MARCHF5: variants seen among roughly 807,000 people sequenced by gnomAD.
MARCHF5 encodes E3 ubiquitin-protein ligase MARCHF5.
MARCHF5 carries 5 observed loss-of-function variants against 36.5 expected under a neutral mutation model. The ratio of observed to expected loss-of-function variants is 0.14; its 90% CI spans 0.07 to 0.29. The LOEUF is 0.29. Ranked by LOEUF, MARCHF5 falls within the 10% of genes least tolerant of loss-of-function variation. The probability of loss-of-function intolerance (pLI) is 1.00; values close to 1 mark genes in which losing one functional copy is unlikely to be tolerated. For missense variants in MARCHF5, 179 were observed against 336.3 expected, an observed-to-expected ratio of 0.53 and a Z score of 3.66; for synonymous variants, 103 against 109.9, an observed-to-expected ratio of 0.94 and a Z score of 0.39.
intron 1 of MARCHF5, among the ~76,000 whole-genome samples, chr10:92,293,251 C>CAT (rs1842911602): frequency 6.6e-6 from 1 of 152,108 alleles, no homozygotes; most frequent in African/African-American, 2.4e-5. Flanking sequence ...GACCACAACA[C>CAT]ATACCACCAT....
intron 2 of MARCHF5, among the ~76,000 whole-genome samples, chr10:92,338,103 C>T (rs574065861): frequency 2.7e-4 from 41 of 151,860 alleles, no homozygotes; most frequent in South Asian, 6.3e-4. Context: ...GTGGGAGGCT[C>T]GCTTGAGCTG....
chr10:92,313,131 G>C (rs1053752540), intron 2 of MARCHF5, among the ~76,000 whole-genome samples: 1 of 152,192 alleles, frequency 6.6e-6, no homozygotes, highest in Non-Finnish European at 1.5e-5. Flanking sequence ...CTACTCAGGA[G>C]GCTGAGGCAG....
intron 3 of MARCHF5, 132 bp downstream of exon 3, chr10:92,340,935 C>T: frequency 1.2e-6 from 1 of 821,224 alleles, no homozygotes; most frequent in African/African-American, 1.8e-5. Flanking sequence ...ATGTTATTTC[C>T]CCTACTTTTT....
At chr10:92,337,978 A>G (rs1314963340) in intron 2 of MARCHF5, among the ~76,000 whole-genome samples, 1 of 151,574 alleles carries the variant, frequency 6.6e-6, no homozygotes, top group East Asian at 1.9e-4. Context: ...GTTCCAGACC[A>G]GCCTGGGCAA....
intron 2 of MARCHF5, among the ~76,000 whole-genome samples, chr10:92,327,886 T>C (rs2135201846): frequency 6.6e-6 from 1 of 152,282 alleles, no homozygotes; most frequent in Middle Eastern, 3.4e-3. Context: ...AAAGTAAGTT[T>C]ACAGTGGAGA....
At chr10:92,318,553 T>C (rs554757878) in intron 2 of MARCHF5, among the ~76,000 whole-genome samples, 64 of 150,436 alleles carry the variant, frequency 4.3e-4, no homozygotes, top group African/African-American at 1.4e-3. Flanking sequence ...AAACCCAGTC[T>C]CCACAAAAAA....
chr10:92,333,507 C>G (rs924201931), intron 2 of MARCHF5: 1 of 249,896 alleles, frequency 4.0e-6, no homozygotes, highest in Non-Finnish European at 6.3e-6. Context: ...ATGGCCCTTG[C>G]CCCCTGGGAG....
rs74691627 is a variant in MARCHF5 at position 92,338,628 on chromosome 10, A to G, written c.239-2045A>G. 5.1e-3 allele frequency among the ~76,000 whole-genome samples: 775 copies of G among 152,306 alleles called. 7 individuals are homozygous for G. The highest frequency in any genetic ancestry group is 9.1e-3 in the East Asian group (47 of 5,184). On this transcript the variant is annotated intron_variant, in intron 2 of 5. Transcript: ENST00000358935. ...ATGACAGTCCTTTGACATCTCTTCTAATGTTCTCTCTACTTTACAATGTAT... is the reference window on the plus strand; with the variant it reads ...ATGACAGTCCTTTGACATCTCTTCTGATGTTCTCTCTACTTTACAATGTAT...
chr10:92,291,307 T>C lies in MARCHF5; in HGVS notation c.-188T>C, dbSNP rs947767634. 6.9e-6 allele frequency: 4 copies of C among 576,026 alleles called. No homozygotes were observed. Among genetic ancestry groups the C allele is most frequent in the African/African-American group, 4.0e-5 (2 of 50,090 alleles). The allele number at this position is 576,026 out of a possible 1,614,324, so 35.7% of individuals were successfully genotyped here. On this transcript the variant is annotated 5_prime_UTR_variant, in exon 1 of 6. Transcript: ENST00000358935. ...CTCCTCCTCCTCGCTCTCCGCCGCC[T>C]CCGCCGGACTCCCGCAGGCCCTGCA...
rs569788902 is a variant in MARCHF5, at chr10:92,350,099, A to G, written c.720+262A>G. Reference sequence around the variant, plus strand: ...AATCATCACACCTGTCCCTCTTGCCAGTGGGATTACAGTACTTTACGATCA... The same window carrying G: ...AATCATCACACCTGTCCCTCTTGCCGGTGGGATTACAGTACTTTACGATCA... On this transcript the variant is annotated intron_variant, in intron 5 of 5. Coordinates refer to ENST00000358935, the MANE Select transcript of MARCHF5 (RefSeq NM_017824.5). 2.4e-3 allele frequency: 920 copies of G among 379,940 alleles called. 2 individuals carry two copies. Among genetic ancestry groups the G allele is most frequent in the Non-Finnish European group, 3.6e-3 (760 of 212,978 alleles). The allele number at this position is 379,940 out of a possible 1,614,324, so 23.5% of individuals were successfully genotyped here.
At chr10:92,297,329 G>A (rs1842958556) in intron 1 of MARCHF5, among the ~76,000 whole-genome samples, 1 of 151,652 alleles carries the variant, frequency 6.6e-6, no homozygotes, top group African/African-American at 2.4e-5. Context: ...ACCACACCTA[G>A]CTGATTTTTT....
chr10:92,322,800 T>C (rs1843306753), intron 2 of MARCHF5, among the ~76,000 whole-genome samples: 1 of 150,470 alleles, frequency 6.6e-6, no homozygotes, highest in Admixed American at 6.6e-5. Context: ...TGCAGTGGCA[T>C]GATCTCAGCT....
chr10:92,291,509 C>T lies in MARCHF5; in HGVS notation c.15C>T (p.Ala5=), dbSNP rs1274761188. ...CTCCGCGGAAGATGCCGGACCAAGCCCTACAGCAGATGCTGGACAGGTACG... is the reference window on the plus strand; with the variant it reads ...CTCCGCGGAAGATGCCGGACCAAGCTCTACAGCAGATGCTGGACAGGTACG... MPDQ[A]LQQMLDRSCW... is the part of the protein sequence containing the mutation. The change falls in exon 1 of 6, where the codon GCC becomes GCT. Residue 5 remains alanine (A), a synonymous_variant. Coordinates refer to ENST00000358935, the MANE Select transcript of MARCHF5 (RefSeq NM_017824.5). 6.5e-7 allele frequency: 1 copy of T among 1,547,854 alleles called. No homozygotes were observed. The highest frequency in any genetic ancestry group is 8.7e-7 in the Non-Finnish European group (1 of 1,145,658).
Position 92,291,492 on chromosome 10 carries a change from AAGATGCCGGACCAAGCCCTACAGC to A in MARCHF5, c.5_28del (p.ProAspGlnAlaLeuGlnGlnMet2_?9). 6.5e-7 allele frequency: 1 copy of A among 1,548,706 alleles called. No individual in the cohort carries two copies. The highest frequency in any genetic ancestry group is 8.7e-7 in the Non-Finnish European group (1 of 1,145,822). On this transcript the variant is annotated start_lost and 5_prime_UTR_variant, in exon 1 of 6. Transcript: ENST00000358935. Reference sequence around the variant, plus strand: ...AAGGCCGTGTGCGCCGGCTCCGCGGAAGATGCCGGACCAAGCCCTACAGCAGATGCTGGACAGGTACGGGCAGCT... The same window carrying A: ...AAGGCCGTGTGCGCCGGCTCCGCGGAAGATGCTGGACAGGTACGGGCAGCT...
chr10:92,324,123 A>G (rs1201903697), intron 2 of MARCHF5, among the ~76,000 whole-genome samples: 1 of 152,066 alleles, frequency 6.6e-6, no homozygotes, highest in Non-Finnish European at 1.5e-5. Flanking sequence ...TTAATTTGAA[A>G]TTTTCTAATG....
chr10:92,312,569 C>A (rs1264570030), intron 2 of MARCHF5, among the ~76,000 whole-genome samples: 1 of 152,210 alleles, frequency 6.6e-6, no homozygotes, highest in African/African-American at 2.4e-5. Context: ...TATTGTACCA[C>A]CACATGAATG....
Position 92,314,234 on chromosome 10 carries a change from T to C in MARCHF5, c.238+2897T>C, listed in dbSNP as rs571562476. Reference sequence around the variant, plus strand: ...TTAAATAAAAGAGAGAATTATAATTTTACTCTCAAATGATATGTTCAAGCT... The same window carrying C: ...TTAAATAAAAGAGAGAATTATAATTCTACTCTCAAATGATATGTTCAAGCT... On this transcript the variant is annotated intron_variant, in intron 2 of 5. Transcript: ENST00000358935. Among the ~76,000 whole-genome samples the C allele has an allele frequency of 2.2e-4, 33 of 152,090 alleles. 1 individual carries two copies. Among genetic ancestry groups the C allele is most frequent in the African/African-American group, 7.7e-4 (32 of 41,496 alleles).
intron 2 of MARCHF5, among the ~76,000 whole-genome samples, chr10:92,321,277 G>A (rs1454254771): frequency 6.6e-6 from 1 of 152,052 alleles, no homozygotes; most frequent in Non-Finnish European, 1.5e-5. Context: ...ATCAGGTTGA[G>A]GATGTCCCAT....
chr10:92,341,780 C>CTTTTT (rs71025395), intron 3 of MARCHF5, among the ~76,000 whole-genome samples: 35 of 77,404 alleles, frequency 4.5e-4, no homozygotes, highest in African/African-American at 7.4e-4. Context: ...AGTTTACATC[C>CTTTTT]TTTTTTTTTT....
Sources: allele counts gnomAD v4.1 joint callset (sites outside exome capture counted in the v4.1 genomes callset), GRCh38; gene constraint gnomAD v4.1.1; transcripts MANE v1.5; gene names NCBI Gene and HGNC (gene_info 2026-07-23, HGNC 2026-07-21).